The following TRIO variants were observed in gnomAD, a reference collection of about 807,000 sequenced individuals.
TRIO encodes trio Rho guanine nucleotide exchange factor.
In TRIO, 58 loss-of-function variants were observed where a neutral mutation model predicts 351.9. The observed-to-expected ratio is 0.16, with a 90% confidence interval of 0.13 to 0.21. The LOEUF (loss-of-function observed/expected upper bound fraction) is 0.21. TRIO is among the 10% of genes least tolerant of loss of function. The pLI, the probability that TRIO is intolerant of heterozygous loss-of-function variation, is 1.00. For synonymous variants in TRIO, 1,758 were observed against 1,595.7 expected, an observed-to-expected ratio of 1.10 and a Z score of -2.42; for missense variants, 3,201 against 4,027.8, an observed-to-expected ratio of 0.79 and a Z score of 5.56.
intron 34 of TRIO, among the ~76,000 whole-genome samples, chr5:14,424,398 T>C (rs2152392959): frequency 6.6e-6 from 1 of 152,280 alleles, no homozygotes; most frequent in East Asian, 1.9e-4. Context: ...AAGTTTTTTC[T>C]CCTTTGGATA....
rs74833357 is a variant in TRIO at position 14,274,764 on chromosome 5, T to C, written c.232+3865T>C. ...CTTATTTCAAATGCATGATTTTAAA[T>C]ATATATGATGTTTTGATTCATTACA... is the stretch of plus-strand genomic sequence containing the variant. On this transcript the variant is annotated intron_variant, in intron 2 of 56. Transcript: ENST00000344204. Among the ~76,000 whole-genome samples the C allele has an allele frequency of 7.1e-3, 1,081 of 152,340 alleles. 10 individuals are homozygous for C. The highest frequency in any genetic ancestry group is 0.025 in the African/African-American group (1,019 of 41,576).
chr5:14,211,857 T>C (rs1791922802), intron 1 of TRIO, among the ~76,000 whole-genome samples: 1 of 151,516 alleles, frequency 6.6e-6, no homozygotes. Context: ...ACATCTGTAA[T>C]CCCATCAACT....
At chr5:14,181,857 C>T (rs1304299118) in intron 1 of TRIO, among the ~76,000 whole-genome samples, 1 of 152,146 alleles carries the variant, frequency 6.6e-6, no homozygotes, top group East Asian at 1.9e-4. Context: ...CCCACTTGCC[C>T]TCACTATTCC....
chr5:14,476,890 C>A lies in TRIO; in HGVS notation c.6084-4C>A, dbSNP rs765082072. ...AGTTCTAATATTTTCTCCTTTCTTT[C>A]CAGCTTTTTTTTAGGAGAGTTAGAG... On this transcript the variant is annotated splice_region_variant and splice_polypyrimidine_tract_variant and intron_variant, in intron 40 of 56. Transcript: ENST00000344204. 4.3e-6 allele frequency: 7 copies of A among 1,612,494 alleles called. No homozygotes were observed. The highest frequency in any genetic ancestry group is 5.9e-6 in the Non-Finnish European group (7 of 1,179,334).
intron 1 of TRIO, among the ~76,000 whole-genome samples, chr5:14,161,976 C>T (rs1025925054): frequency 6.6e-6 from 1 of 152,192 alleles, no homozygotes; most frequent in African/African-American, 2.4e-5. Context: ...GTCTTGGCCT[C>T]CTGAAGTGCT....
At chr5:14,360,643 G>A (rs1056457623) in intron 13 of TRIO, among the ~76,000 whole-genome samples, 2 of 152,240 alleles carry the variant, frequency 1.3e-5, no homozygotes, top group Non-Finnish European at 2.9e-5. Flanking sequence ...GGTACAGGAG[G>A]GACCTTCTGC....
chr5:14,446,071 C>T (rs561276828), intron 34 of TRIO, among the ~76,000 whole-genome samples: 1 of 152,296 alleles, frequency 6.6e-6, no homozygotes, highest in South Asian at 2.1e-4. Flanking sequence ...TTAGCAGAGG[C>T]GTTCCTTTCA....
Position 14,502,459 on chromosome 5 carries a change from C to T in TRIO, c.8333-120C>T, listed in dbSNP as rs367718106. On this transcript the variant is annotated intron_variant, in intron 53 of 56. Transcript: ENST00000344204. ...CCACCACATCTCCACTCGCATGAGC[C>T]GTGTGGCAGGTGCCCGGTGGCCACG... is the stretch of plus-strand genomic sequence containing the variant. The T allele has an allele frequency of 2.3e-5, 19 of 830,362 alleles. No homozygotes were observed. In the South Asian group the frequency reaches 2.5e-4, roughly 11 times the overall value. The allele number at this position is 830,362 out of a possible 1,614,324, so 51.4% of individuals were successfully genotyped here. A position where few individuals can be genotyped will look rare whatever the true frequency, so the allele number is the denominator to read the frequency against.
intron 11 of TRIO, among the ~76,000 whole-genome samples, chr5:14,336,998 C>T (rs1203208136): frequency 6.6e-6 from 1 of 152,184 alleles, no homozygotes; most frequent in Non-Finnish European, 1.5e-5. Context: ...ACGTCCATTT[C>T]TATAAGTAGG....
At chr5:14,341,214 A>G (rs1741914400) in intron 11 of TRIO, among the ~76,000 whole-genome samples, 2 of 152,152 alleles carry the variant, frequency 1.3e-5, no homozygotes, top group Admixed American at 1.3e-4. Context: ...TGCTCCTGCT[A>G]TTTGTCCTTT....
At chr5:14,329,063 G>T (rs894325376) in intron 9 of TRIO, among the ~76,000 whole-genome samples, 3 of 152,184 alleles carry the variant, frequency 2.0e-5, no homozygotes, top group Admixed American at 6.5e-5. Context: ...AACATGTCAG[G>T]CTCTGATACT....
intron 1 of TRIO, among the ~76,000 whole-genome samples, chr5:14,270,176 A>G (rs1795901473): frequency 6.6e-6 from 1 of 152,220 alleles, no homozygotes; most frequent in Non-Finnish European, 1.5e-5. Context: ...TATTGGGAGC[A>G]GGGGCAGAGT....
intron 46 of TRIO, among the ~76,000 whole-genome samples, chr5:14,483,168 C>T (rs973806938): frequency 2.6e-5 from 4 of 152,236 alleles, no homozygotes; most frequent in Admixed American, 6.5e-5. Context: ...AGGTACTGAG[C>T]ACTCAGCAAC....
intron 34 of TRIO, among the ~76,000 whole-genome samples, chr5:14,445,162 G>C (rs1042780411): frequency 2.6e-5 from 4 of 152,112 alleles, no homozygotes; most frequent in Non-Finnish European, 5.9e-5. Context: ...AGAGTGAGTC[G>C]GCCTGGGAGC....
chr5:14,200,174 C>T (rs1791017953), intron 1 of TRIO, among the ~76,000 whole-genome samples: 1 of 152,008 alleles, frequency 6.6e-6, no homozygotes, highest in Non-Finnish European at 1.5e-5. Flanking sequence ...CTTACTGTGC[C>T]ATTCAGCCAG....
chr5:14,399,272 A>G lies in TRIO; in HGVS notation c.4614+202A>G. The G allele has an allele frequency of 2.3e-5, 13 of 567,634 alleles. No homozygotes were observed. In the South Asian group the frequency reaches 3.5e-4, roughly 15 times the overall value. The allele number at this position is 567,634 out of a possible 1,614,324, so 35.2% of individuals were successfully genotyped here. ...CACTAGAGGGTGCTCTGGAGTTTAT[A>G]GACTTAGGAAACTTGCTCTTCTTAA... On this transcript the variant is annotated intron_variant, in intron 30 of 56. Transcript: ENST00000344204.
intron 34 of TRIO, among the ~76,000 whole-genome samples, chr5:14,445,115 A>G (rs1255527538): frequency 6.6e-6 from 1 of 152,128 alleles, no homozygotes; most frequent in Non-Finnish European, 1.5e-5. Flanking sequence ...CAGGTGCTCA[A>G]AGTTGGCCTC....
At chr5:14,433,778 A>G (rs978009107) in intron 34 of TRIO, among the ~76,000 whole-genome samples, 1 of 152,194 alleles carries the variant, frequency 6.6e-6, no homozygotes, top group Non-Finnish European at 1.5e-5. Context: ...ATCATTCAAG[A>G]TCTAATCTCA....
chr5:14,505,771 C>G (rs918916076), intron 55 of TRIO, among the ~76,000 whole-genome samples: 1 of 152,170 alleles, frequency 6.6e-6, no homozygotes, highest in African/African-American at 2.4e-5. Flanking sequence ...GGCCTCCCAC[C>G]CATGGCTGCA....
Sources: gnomAD v4.1 joint callset for allele counts (sites outside exome capture counted in the v4.1 genomes callset) on GRCh38, gnomAD v4.1.1 for gene constraint, MANE v1.5 for transcripts, NCBI Gene and HGNC (gene_info 2026-07-23, HGNC 2026-07-21) for gene names.